The following DNAAF19 variants were observed in gnomAD, a reference collection of about 807,000 sequenced individuals.
The protein encoded by DNAAF19 is dynein axonemal assembly factor 19, also known as coiled-coil domain containing 103.
chr17:44,905,193 C>G, the DNAAF19 span: 1 of 747,950 alleles, frequency 1.3e-6, no homozygotes, highest in Non-Finnish European at 2.2e-6. Context: ...AAATCTGTTA[C>G]AGCCTGCTCC....
At chr17:44,904,942 TC>T in the DNAAF19 span, 1 of 1,550,660 alleles carries the variant, frequency 6.4e-7, no homozygotes, top group Non-Finnish European at 8.7e-7. Context: ...CGTTCTCAGA[TC>T]CTGAGACTCG....
At chr17:44,904,212 G>A in the DNAAF19 span, 78 of 1,550,530 alleles carry the variant, frequency 5.0e-5, no homozygotes, top group African/African-American at 9.0e-4. Context: ...TGCGGCACCC[G>A]CAAGGGGGAC....
the DNAAF19 span, chr17:44,904,314 A>C: frequency 6.5e-7 from 1 of 1,545,466 alleles, no homozygotes; most frequent in South Asian, 1.2e-5. Context: ...GCAGATGAAT[A>C]CTATGGGCAC....
the DNAAF19 span, chr17:44,904,325 C>T: frequency 1.0e-5 from 16 of 1,543,226 alleles, no homozygotes; most frequent in Non-Finnish European, 1.2e-5. Context: ...CTATGGGCAC[C>T]TCCATGTCTT....
At chr17:44,902,915 C>T in the DNAAF19 span, 1 of 1,434,336 alleles carries the variant, frequency 7.0e-7, no homozygotes, top group Non-Finnish European at 9.1e-7. Context: ...AAACCCACAC[C>T]TGGTTCCCTT....
At chr17:44,900,712 A>G in the DNAAF19 span, among the ~76,000 whole-genome samples, 707 of 152,328 alleles carry the variant, frequency 4.6e-3, 7 homozygotes, top group African/African-American at 0.017. Flanking sequence ...AATTAAAAAT[A>G]TTTTTAGAGG....
the DNAAF19 span, chr17:44,902,996 G>T: frequency 2.8e-6 from 4 of 1,428,546 alleles, no homozygotes; most frequent in Non-Finnish European, 3.6e-6. Flanking sequence ...TCAGTGTCTC[G>T]CTGTTTTGAA....
the DNAAF19 span, chr17:44,904,845 A>G: frequency 1.6e-5 from 25 of 1,550,488 alleles, no homozygotes; most frequent in Middle Eastern, 5.0e-4. Context: ...CAGCTGGATG[A>G]CCGGGGCATC....
At chr17:44,904,951 T>C in the DNAAF19 span, 1 of 1,550,708 alleles carries the variant, frequency 6.4e-7, no homozygotes, top group South Asian at 1.2e-5. Context: ...ATCCTGAGAC[T>C]CGCTCGGCTG....
At chr17:44,901,201 C>A in the DNAAF19 span, 4 of 1,566,994 alleles carry the variant, frequency 2.6e-6, no homozygotes, top group African/African-American at 5.5e-5. Context: ...GTAGTTAACT[C>A]TGAAATCAAA....
the DNAAF19 span, chr17:44,904,848 G>C: frequency 4.3e-5 from 67 of 1,550,622 alleles, 1 homozygote; most frequent in South Asian, 7.9e-4. Context: ...CTGGATGACC[G>C]GGGCATCTAC....
chr17:44,902,189 T>A, the DNAAF19 span: 6 of 806,546 alleles, frequency 7.4e-6, no homozygotes, highest in Non-Finnish European at 1.1e-5. Flanking sequence ...GCCCTCCCTG[T>A]TTCATCCCCA....
the DNAAF19 span, chr17:44,904,472 G>A: frequency 6.5e-7 from 1 of 1,545,926 alleles, no homozygotes; most frequent in African/African-American, 1.4e-5. Context: ...GGTGTCTTGT[G>A]GCTCAAGGGC....
chr17:44,900,959 C>G, the DNAAF19 span: 1 of 1,566,794 alleles, frequency 6.4e-7, no homozygotes, highest in Non-Finnish European at 8.6e-7. Context: ...TATTGACTGT[C>G]CACTGACATG....
chr17:44,904,401 G>A, the DNAAF19 span: 1 of 1,542,428 alleles, frequency 6.5e-7, no homozygotes, highest in Non-Finnish European at 8.8e-7. Flanking sequence ...TGGCGCATCG[G>A]CCTCTGCTAC....
the DNAAF19 span, chr17:44,901,010 T>G: frequency 6.2e-7 from 1 of 1,605,026 alleles, no homozygotes; most frequent in East Asian, 2.3e-5. Context: ...TGGAAAGGAA[T>G]GACATCATCA....
At chr17:44,904,171 G>C in the DNAAF19 span, 1 of 1,550,420 alleles carries the variant, frequency 6.4e-7, no homozygotes, top group South Asian at 1.2e-5. Flanking sequence ...TGGTTTTCAG[G>C]GCTCAGTCTG....
the DNAAF19 span, chr17:44,905,364 G>A: frequency 2.5e-6 from 1 of 405,234 alleles, no homozygotes; most frequent in African/African-American, 2.0e-5. Flanking sequence ...TTATCCAGTG[G>A]TAAACACTGA....
At chr17:44,902,869 G>T in the DNAAF19 span, 1 of 1,466,400 alleles carries the variant, frequency 6.8e-7, no homozygotes, top group South Asian at 1.4e-5. Flanking sequence ...CAGTTTTTTG[G>T]TTGTTGTCTT....
Sources: allele counts gnomAD v4.1 joint callset (sites outside exome capture counted in the v4.1 genomes callset), GRCh38; gene constraint gnomAD v4.1.1; transcripts MANE v1.5; gene names NCBI Gene and HGNC (gene_info 2026-07-23, HGNC 2026-07-21).